The following DNAH12 variants were observed in gnomAD, a reference collection of about 807,000 sequenced individuals.
DNAH12 encodes dynein axonemal heavy chain 12.
DNAH12 carries 285 observed loss-of-function variants against 371.5 expected under a neutral mutation model. The ratio of observed to expected loss-of-function variants is 0.77; its 90% CI spans 0.70 to 0.85. The LOEUF (loss-of-function observed/expected upper bound fraction) is 0.85. Ranked by LOEUF, DNAH12 falls within the 40% of genes least tolerant of loss-of-function variation. The pLI, the probability that DNAH12 is intolerant of heterozygous loss-of-function variation, is 0.00. For missense variants in DNAH12, 3,611 were observed against 3,689.4 expected (o/e 0.98, Z 0.55); for synonymous variants, 1,200 against 1,213.0 (o/e 0.99, Z 0.22).
upstream of DNAH12, among the ~76,000 whole-genome samples, chr3:57,547,529 T>C (rs2069589431): frequency 6.6e-6 from 1 of 152,120 alleles, no homozygotes; most frequent in South Asian, 2.1e-4. Flanking sequence ...CCTCTTGAGC[T>C]TATACAAATA....
intron 32 of DNAH12, 32 bp downstream of exon 32, chr3:57,433,335 C>T (rs1278975384): frequency 1.4e-5 from 22 of 1,535,808 alleles, no homozygotes; most frequent in Non-Finnish European, 1.8e-5. Flanking sequence ...TTAATCATGG[C>T]TGAATCTGCT....
intron 55 of DNAH12, among the ~76,000 whole-genome samples, chr3:57,369,282 A>G (rs2063119060): frequency 8.2e-6 from 1 of 122,232 alleles, no homozygotes. Context: ...TAATTTTTAC[A>G]TATAATATAG....
intron 58 of DNAH12, among the ~76,000 whole-genome samples, chr3:57,358,885 A>G (rs911361362): frequency 1.4e-4 from 22 of 152,144 alleles, no homozygotes; most frequent in Non-Finnish European, 3.2e-4. Flanking sequence ...CCTGGGTTCA[A>G]GCGATTCTCC....
In DNAH12 at chr3:57,510,783, T is replaced by A; in HGVS notation, c.469+7A>T. The A allele has an allele frequency of 6.2e-7, 1 of 1,613,228 alleles. No individual in the cohort carries two copies. The highest frequency in any genetic ancestry group is 8.5e-7 in the Non-Finnish European group (1 of 1,179,786). ...AAGAAGCCTGGTGTGTGTTAGATGC[T>A]ACTTACCCAAATATCTCTTCATGCT... On this transcript the variant is annotated splice_region_variant and intron_variant, in intron 5 of 73. Transcript: ENST00000495027.
rs986749500 is a variant in DNAH12, at chr3:57,457,814, C to A, written c.3243G>T (p.Thr1081=). 1.3e-5 allele frequency: 20 copies of A among 1,551,424 alleles called. No individual in the cohort carries two copies. Among genetic ancestry groups the A allele is most frequent in the Admixed American group, 9.8e-5 (5 of 50,966 alleles). ...ERVELIALIS[T]SAARGAVEKW... ...TTTCCACAGCACCCCGCGCTGCAGACGTGGAAATGAGTGCAATCAGCTCCA... is the reference window on the plus strand; with the variant it reads ...TTTCCACAGCACCCCGCGCTGCAGAAGTGGAAATGAGTGCAATCAGCTCCA... Residue 1081 remains threonine, a synonymous_variant, in exon 22 of 74, where the codon ACG becomes ACT. Transcript: ENST00000495027.
chr3:57,302,016 A>T (rs2061358443), intron 69 of DNAH12, 77 bp from the exon 70 acceptor site: 2 of 1,444,484 alleles, frequency 1.4e-6, no homozygotes, highest in Non-Finnish European at 1.9e-6. Flanking sequence ...GAACAGCAGG[A>T]ATTTCATTCC....
intron 64 of DNAH12, 97 bp from the exon 65 acceptor site, chr3:57,322,580 C>A: frequency 7.5e-7 from 1 of 1,332,290 alleles, no homozygotes; most frequent in Non-Finnish European, 9.9e-7. Flanking sequence ...TAATGGAGAA[C>A]TCCAGAAATA....
At chr3:57,461,426 G>C (rs183990579) in intron 19 of DNAH12, 63 bp downstream of exon 19, 9 of 1,450,010 alleles carry the variant, frequency 6.2e-6, no homozygotes, top group Non-Finnish European at 8.5e-6. Flanking sequence ...CCATGAGAGC[G>C]TATATGTAAT....
At chr3:57,326,363 G>T (rs570603840) in intron 62 of DNAH12, among the ~76,000 whole-genome samples, 1 of 152,068 alleles carries the variant, frequency 6.6e-6, no homozygotes, top group Non-Finnish European at 1.5e-5. Context: ...CTGAGCTCTC[G>T]GCAGAAACTC....
intron 53 of DNAH12, among the ~76,000 whole-genome samples, chr3:57,376,308 T>C (rs2063280191): frequency 2.6e-5 from 4 of 152,100 alleles, no homozygotes; most frequent in Admixed American, 1.3e-4. Flanking sequence ...CTATTTGTTT[T>C]AGTATTTATT....
rs1289823107 is a variant in DNAH12, at chr3:57,452,890, G to C, written c.3739C>G (p.Pro1247Ala). 4 of 1,550,898 alleles carry C rather than the reference G, an allele frequency of 2.6e-6. No homozygotes were observed. Among genetic ancestry groups the C allele is most frequent in the Non-Finnish European group, 3.5e-6 (4 of 1,146,856 alleles). Residue 1247 changes from proline to alanine, a missense_variant, in exon 25 of 74, where the codon CCT becomes GCT. Around this residue, in one of 3 missense-constraint regions of DNAH12, gnomAD observed 2,266 missense variants for 2,236.9 expected, o/e 1.01. Transcript: ENST00000495027. ...GTTAGAGGCGTAATGACAAGTCGAG[G>C]TGAGTTACCAAGATATTCATAAGCA... ...KYAYEYLGNS[P>A]RLVITPLTDR... is the part of the protein sequence containing the mutation.
Position 57,433,440 on chromosome 3 carries a change from C to G in DNAH12, c.4907G>C (p.Trp1636Ser), listed in dbSNP as rs2153366386. The change falls in exon 32 of 74, where the codon TGG becomes TCG. Residue 1636 changes from tryptophan (W) to serine (S), a missense_variant. Physicochemically the swap from Trp to Ser is radical, Grantham distance 177. Coordinates refer to ENST00000495027, the MANE Select transcript of DNAH12 (RefSeq NM_001366028.2). ...FALSETPDRK[W>S]VVFDGPIDTL... ...GTCAATAGGACCATCAAATACAACC[C>G]ATTTCCGGTCAGGTGTTTCTGATAA... 1.3e-6 allele frequency: 2 copies of G among 1,551,538 alleles called. No homozygotes were observed. Among genetic ancestry groups the G allele is most frequent in the South Asian group, 1.2e-5 (1 of 84,050 alleles).
intron 30 of DNAH12, 128 bp downstream of exon 30, chr3:57,436,823 C>T (rs1575598531): frequency 5.1e-6 from 3 of 593,326 alleles, no homozygotes; most frequent in Non-Finnish European, 8.4e-6. Context: ...CACTGGGGGG[C>T]CAGGGGGCGG....
chr3:57,381,194 G>A (rs2063382611), intron 50 of DNAH12, among the ~76,000 whole-genome samples: 1 of 151,890 alleles, frequency 6.6e-6, no homozygotes, highest in Non-Finnish European at 1.5e-5. Flanking sequence ...GAAATAACCA[G>A]CTGAAAGTTC....
intron 43 of DNAH12, among the ~76,000 whole-genome samples, chr3:57,401,328 T>C (rs2063853115): frequency 6.6e-6 from 1 of 151,092 alleles, no homozygotes; most frequent in Admixed American, 6.6e-5. Context: ...GGCAAGTGGA[T>C]TGCCTGAGCT....
At position 57,380,267 on chromosome 3, in the gene DNAH12, A is replaced by G. The variant is rs2063361859; in HGVS notation, c.8082+11T>C. The G allele has an allele frequency of 6.6e-6, 1 of 152,184 alleles. No homozygotes were observed. The highest frequency in any genetic ancestry group is 1.5e-5 in the Non-Finnish European group (1 of 68,030). The allele number at this position is 152,184 out of a possible 1,614,324, so 9.4% of individuals were successfully genotyped here. On this transcript the variant is annotated intron_variant, in intron 51 of 73. Transcript: ENST00000495027. ...AGTCACATTTGTAGAAAAAAACCCA[A>G]TGCAACTCACTGGAATGTTGTCCTT...
intron 36 of DNAH12, 149 bp from the exon 37 acceptor site, chr3:57,419,667 A>G (rs2064503825): frequency 2.1e-6 from 1 of 465,372 alleles, no homozygotes; most frequent in African/African-American, 2.0e-5. Context: ...AAAAGAACAC[A>G]TATAGCATAT....
At chr3:57,351,347 A>G (rs1553660162) in intron 60 of DNAH12, among the ~76,000 whole-genome samples, 1 of 152,180 alleles carries the variant, frequency 6.6e-6, no homozygotes, top group East Asian at 1.9e-4. Context: ...GAATGCTCAA[A>G]TTCTGTTAAT....
intron 70 of DNAH12, among the ~76,000 whole-genome samples, chr3:57,301,252 CAA>C (rs1383965002): frequency 2.9e-5 from 3 of 103,596 alleles, no homozygotes; most frequent in African/African-American, 3.9e-5. Context: ...GATGACAGAG[CAA>C]GACCCTGTCT....
Sources: gnomAD v4.1 joint callset for allele counts (sites outside exome capture counted in the v4.1 genomes callset) on GRCh38, gnomAD v4.1.1 for gene constraint, gnomAD v4.1.1 regional missense constraint, MANE v1.5 for transcripts, NCBI Gene and HGNC (gene_info 2026-07-23, HGNC 2026-07-21) for gene names.